Variants in UBXN7 observed in about 807,000 individuals in gnomAD.
UBXN7 encodes UBX domain protein 7.
Under a neutral mutation model 58.0 loss-of-function variants are expected in UBXN7, and 9 were observed. The ratio of observed to expected loss-of-function variants is 0.16; its 90% CI spans 0.09 to 0.27. UBXN7 has a LOEUF of 0.27. Among genes scored for constraint, UBXN7 ranks in the 10% least tolerant of loss-of-function variants. The pLI is 1.00. For missense variants in UBXN7, 328 were observed against 599.6 expected (o/e 0.55, Z 4.73); for synonymous variants, 208 against 205.0 (o/e 1.01, Z -0.12).
intron 10 of UBXN7, among the ~76,000 whole-genome samples, chr3:196,359,769 G>A (rs1728455820): frequency 6.6e-6 from 1 of 152,112 alleles, no homozygotes; most frequent in Non-Finnish European, 1.5e-5. Flanking sequence ...GCTGGGCGTG[G>A]TGGTGGGCGC....
intron 8 of UBXN7, among the ~76,000 whole-genome samples, chr3:196,363,726 C>T (rs1728577108): frequency 6.6e-6 from 1 of 152,020 alleles, no homozygotes; most frequent in South Asian, 2.1e-4. Flanking sequence ...GTCAGGAGTT[C>T]GAGACCAGCC....
At chr3:196,431,458 G>C (rs916496261) in intron 1 of UBXN7, 1 of 153,204 alleles carries the variant, frequency 6.5e-6, no homozygotes, top group African/African-American at 2.4e-5. Flanking sequence ...GGATCTGCGT[G>C]TGTCCTTCGC....
At position 196,432,105 on chromosome 3, in the gene UBXN7, G is replaced by A. The variant is rs1731083137; in HGVS notation, c.73+222C>T. ...GGGGGGTTGGGGGATCTCCCTCCACGCTACTAGGAGACAGAGAACGAGGGT... is the reference window on the plus strand; with the variant it reads ...GGGGGGTTGGGGGATCTCCCTCCACACTACTAGGAGACAGAGAACGAGGGT... On this transcript the variant is annotated intron_variant, in intron 1 of 10. Coordinates refer to ENST00000296328, the MANE Select transcript of UBXN7 (RefSeq NM_015562.2). 3 of 660,842 alleles carry A rather than the reference G, an allele frequency of 4.5e-6. No homozygotes were observed. The African/African-American group carries it at 5.4e-5, about 12-fold the overall frequency. 40.9% of individuals were successfully genotyped at this position (660,842 alleles called of 1,614,324 possible). A position where few individuals can be genotyped will look rare whatever the true frequency, so the allele number is the denominator to read the frequency against.
At chr3:196,378,223 C>G (rs1244828060) in intron 5 of UBXN7, among the ~76,000 whole-genome samples, 2 of 152,074 alleles carry the variant, frequency 1.3e-5, no homozygotes, top group African/African-American at 4.8e-5. Context: ...CCAAATAACC[C>G]ATTCTCCCCT....
At position 196,355,253 on chromosome 3, in the gene UBXN7, A is replaced by G. The variant is rs1728313361; in HGVS notation, c.*1432T>C. The G allele has an allele frequency of 6.6e-6, 1 of 152,204 alleles. No individual in the cohort carries two copies. The highest frequency in any genetic ancestry group is 1.5e-5 in the Non-Finnish European group (1 of 68,028). The allele number at this position is 152,204 out of a possible 1,614,324, so 9.4% of individuals were successfully genotyped here. ...TTTCATTTTACAAGTTAAAAGTTCT[A>G]GTTTTGCCACCAGAATCACGACTAC... On this transcript the variant is annotated 3_prime_UTR_variant, in exon 11 of 11. Coordinates refer to ENST00000296328, the MANE Select transcript of UBXN7 (RefSeq NM_015562.2).
intron 10 of UBXN7, among the ~76,000 whole-genome samples, chr3:196,358,236 T>G (rs534803350): frequency 3.3e-5 from 5 of 151,996 alleles, no homozygotes; most frequent in East Asian, 1.9e-4. Flanking sequence ...AAGAGAAACA[T>G]AGAGAAAAAC....
intron 2 of UBXN7, among the ~76,000 whole-genome samples, chr3:196,407,004 C>A (rs574980720): frequency 1.3e-5 from 2 of 152,310 alleles, no homozygotes; most frequent in East Asian, 3.9e-4. Context: ...ACCACACACT[C>A]CAACCAACCC....
chr3:196,363,615 G>A (rs1042310881), intron 8 of UBXN7, among the ~76,000 whole-genome samples: 2 of 152,022 alleles, frequency 1.3e-5, no homozygotes, highest in Non-Finnish European at 2.9e-5. Flanking sequence ...AATTAAAAGT[G>A]CTACTCCAGT....
chr3:196,362,119 A>C (rs1187368932), intron 9 of UBXN7, among the ~76,000 whole-genome samples, 175 bp downstream of exon 9: 1 of 152,120 alleles, frequency 6.6e-6, no homozygotes, highest in African/African-American at 2.4e-5. Flanking sequence ...TCAGCCTCCC[A>C]AGTAGCTGGG....
intron 4 of UBXN7, among the ~76,000 whole-genome samples, chr3:196,393,346 C>T (rs1194846651): frequency 6.6e-6 from 1 of 152,176 alleles, no homozygotes; most frequent in African/African-American, 2.4e-5. Flanking sequence ...CCTACATTAT[C>T]TCCATCTCCT....
intron 1 of UBXN7, among the ~76,000 whole-genome samples, chr3:196,419,524 C>T (rs752423050): frequency 6.6e-6 from 1 of 152,164 alleles, no homozygotes; most frequent in Non-Finnish European, 1.5e-5. Flanking sequence ...CAAAGCCAAG[C>T]TAAGCCATCT....
rs112906312 is a variant in UBXN7, at chr3:196,404,798, G to A, written c.222-1779C>T. On this transcript the variant is annotated intron_variant, in intron 2 of 10. Coordinates refer to ENST00000296328, the MANE Select transcript of UBXN7 (RefSeq NM_015562.2). ...TCCTACTGCTCACACACAAAATTTC[G>A]ATAATCTGAAGAAACAGACGACACA... Among the ~76,000 whole-genome samples, 438 of 152,182 alleles carry A rather than the reference G, an allele frequency of 2.9e-3. 5 individuals carry two copies. The highest frequency in any genetic ancestry group is 9.4e-3 in the African/African-American group (391 of 41,520).
chr3:196,386,380 T>TAAAAAAAAAAAAAAAAAAAA (rs34268326), intron 5 of UBXN7, among the ~76,000 whole-genome samples: 2 of 57,728 alleles, frequency 3.5e-5, no homozygotes, highest in Non-Finnish European at 3.2e-5. Flanking sequence ...TAATAAACAC[T>TAAAAAAAAAAAAAAAAAAAA]AAAAAAAAAA....
chr3:196,388,419 C>T (rs142487360), intron 5 of UBXN7, among the ~76,000 whole-genome samples: 14 of 151,794 alleles, frequency 9.2e-5, no homozygotes, highest in Admixed American at 3.3e-4. Flanking sequence ...GCATGTTATG[C>T]GCATGTACCC....
chr3:196,372,326 C>CT (rs1438586078), intron 5 of UBXN7, among the ~76,000 whole-genome samples: 163 of 143,030 alleles, frequency 1.1e-3, no homozygotes, highest in Middle Eastern at 3.6e-3. Flanking sequence ...CTCTCTCTCT[C>CT]CTTTCTTTCT....
At chr3:196,421,745 C>T (rs1411044715) in intron 1 of UBXN7, among the ~76,000 whole-genome samples, 3 of 151,580 alleles carry the variant, frequency 2.0e-5, no homozygotes, top group Non-Finnish European at 2.9e-5. Context: ...CCACTGCACT[C>T]CACCCTGGCA....
chr3:196,431,657 T>G, intron 1 of UBXN7: 1 of 214,968 alleles, frequency 4.7e-6, no homozygotes, highest in Middle Eastern at 4.7e-4. Context: ...CTTCCAGGCC[T>G]CCCCTATTCA....
intron 1 of UBXN7, chr3:196,431,995 G>A: frequency 2.0e-6 from 1 of 498,812 alleles, no homozygotes; most frequent in African/African-American, 1.9e-5. Flanking sequence ...CGGTGGCCCG[G>A]GTGCGGCCCC....
intron 3 of UBXN7, chr3:196,397,385 G>T (rs1451846402): frequency 6.6e-6 from 1 of 152,232 alleles, no homozygotes; most frequent in Non-Finnish European, 1.5e-5. Flanking sequence ...TGGATCTTCA[G>T]ATCTGCTTCT....
Sources: gnomAD v4.1 joint callset for allele counts (sites outside exome capture counted in the v4.1 genomes callset) on GRCh38, gnomAD v4.1.1 for gene constraint, MANE v1.5 for transcripts, NCBI Gene and HGNC (gene_info 2026-07-23, HGNC 2026-07-21) for gene names.